SESN3: variants seen among roughly 807,000 people sequenced by gnomAD.
SESN3 encodes the protein sestrin 3.
SESN3 carries 21 observed loss-of-function variants against 55.3 expected under a neutral mutation model. That is an observed-to-expected ratio of 0.38 (90% CI 0.27 to 0.55). SESN3 has a LOEUF of 0.55. SESN3 is among the 20% of genes least tolerant of loss of function. SESN3 has a pLI of 0.76. For synonymous variants in SESN3, 181 were observed against 203.1 expected, an observed-to-expected ratio of 0.89 and a Z score of 0.93; for missense variants, 408 against 604.3, an observed-to-expected ratio of 0.68 and a Z score of 3.41.
intron 1 of SESN3, among the ~76,000 whole-genome samples, chr11:95,213,808 C>A (rs914464148): frequency 5.9e-5 from 9 of 151,938 alleles, no homozygotes; most frequent in African/African-American, 2.2e-4. Flanking sequence ...CAGGCATGGA[C>A]CCAATCCTAT....
At chr11:95,214,905 C>T (rs1210175013) in intron 1 of SESN3, among the ~76,000 whole-genome samples, 3 of 152,062 alleles carry the variant, frequency 2.0e-5, no homozygotes, top group African/African-American at 7.2e-5. Flanking sequence ...TTTCAAAACC[C>T]AATTCCTTTT....
At chr11:95,225,799 CCTAAA>C (rs780200885) in intron 1 of SESN3, among the ~76,000 whole-genome samples, 57 of 152,056 alleles carry the variant, frequency 3.7e-4, no homozygotes, top group Non-Finnish European at 3.7e-4. Flanking sequence ...CATCTCTTCT[CCTAAA>C]CTAATTAAAA....
rs1351935097 is a variant in SESN3 at position 95,194,508 on chromosome 11, T to C, written c.79-986A>G. ...AAAACAGATATGCTCTCTGCCCTCA[T>C]GAGCTGTACACACAATCTTCATCAA... On this transcript the variant is annotated intron_variant, in intron 1 of 9. Coordinates refer to ENST00000536441, the MANE Select transcript of SESN3 (RefSeq NM_144665.4). 2.0e-5 allele frequency among the ~76,000 whole-genome samples: 3 copies of C among 152,114 alleles called. No individual in the cohort carries two copies. The South Asian group carries it at 6.2e-4, about 31-fold the overall frequency.
chr11:95,210,292 G>A (rs945190236), intron 1 of SESN3, among the ~76,000 whole-genome samples: 7 of 152,114 alleles, frequency 4.6e-5, no homozygotes, highest in Non-Finnish European at 2.9e-5. Flanking sequence ...AAACCACCAT[G>A]GCACATGTAT....
chr11:95,226,139 A>G (rs1026691797), intron 1 of SESN3, among the ~76,000 whole-genome samples: 10 of 152,186 alleles, frequency 6.6e-5, no homozygotes, highest in African/African-American at 2.4e-4. Context: ...CAAATTACTC[A>G]GTATGTATTG....
At chr11:95,177,968 A>T in intron 7 of SESN3, 59 bp from the exon 8 acceptor site, 1 of 1,147,602 alleles carries the variant, frequency 8.7e-7, no homozygotes, top group African/African-American at 1.6e-5. Flanking sequence ...AATTCTATGT[A>T]TTATTAAATA....
intron 1 of SESN3, among the ~76,000 whole-genome samples, chr11:95,228,414 CA>C (rs1319832443): frequency 6.6e-6 from 1 of 152,142 alleles, no homozygotes; most frequent in Non-Finnish European, 1.5e-5. Flanking sequence ...AACAAACATT[CA>C]AAATACTATG....
chr11:95,193,763 C>G (rs1185682567), intron 1 of SESN3, among the ~76,000 whole-genome samples: 1 of 152,084 alleles, frequency 6.6e-6, no homozygotes, highest in Admixed American at 6.6e-5. Context: ...TGTCATATCC[C>G]TTAGTCACAG....
chr11:95,218,335 C>T (rs1860797716), intron 1 of SESN3, among the ~76,000 whole-genome samples: 1 of 152,126 alleles, frequency 6.6e-6, no homozygotes, highest in South Asian at 2.1e-4. Context: ...TCTAAGAGAC[C>T]CAGGCATAAG....
At chr11:95,229,931 A>T (rs1412221844) in intron 1 of SESN3, among the ~76,000 whole-genome samples, 2 of 152,262 alleles carry the variant, frequency 1.3e-5, no homozygotes, top group South Asian at 4.1e-4. Flanking sequence ...CTGATCAAAA[A>T]GTCTAGAGAC....
chr11:95,204,446 T>G (rs1177044418), intron 1 of SESN3, among the ~76,000 whole-genome samples: 2 of 152,146 alleles, frequency 1.3e-5, no homozygotes, highest in Non-Finnish European at 2.9e-5. Context: ...ATTTGATTAT[T>G]TTTTTAAACC....
chr11:95,195,879 A>C (rs1352960381), intron 1 of SESN3, among the ~76,000 whole-genome samples: 2 of 152,186 alleles, frequency 1.3e-5, no homozygotes, highest in African/African-American at 4.8e-5. Flanking sequence ...TTAACTCACT[A>C]ATTTCAAAAG....
chr11:95,201,307 T>C (rs1025469665), intron 1 of SESN3: 15 of 152,044 alleles, frequency 9.9e-5, no homozygotes, highest in Admixed American at 8.5e-4. Flanking sequence ...TAGTACTCAT[T>C]GTAGTAGAAG....
chr11:95,190,435 T>G (rs976079444), intron 3 of SESN3, among the ~76,000 whole-genome samples: 5 of 151,960 alleles, frequency 3.3e-5, no homozygotes, highest in Non-Finnish European at 5.9e-5. Flanking sequence ...GGAAGCTCAC[T>G]GACCCTTTTC....
At chr11:95,223,732 C>T (rs909916080) in intron 1 of SESN3, among the ~76,000 whole-genome samples, 2 of 151,974 alleles carry the variant, frequency 1.3e-5, no homozygotes, top group African/African-American at 4.8e-5. Context: ...AGAATTACAC[C>T]ATATACTGGC....
At chr11:95,182,421 A>G (rs1327582342) in intron 6 of SESN3, among the ~76,000 whole-genome samples, 2 of 152,104 alleles carry the variant, frequency 1.3e-5, no homozygotes, top group African/African-American at 2.4e-5. Context: ...TAACTTCTAA[A>G]ATTTTGCCTT....
chr11:95,227,434 G>A (rs1488069911), intron 1 of SESN3, among the ~76,000 whole-genome samples: 1 of 152,002 alleles, frequency 6.6e-6, no homozygotes, highest in African/African-American at 2.4e-5. Context: ...TCGATCTTTT[G>A]ACCTCGTGAT....
intron 1 of SESN3, among the ~76,000 whole-genome samples, chr11:95,210,232 A>G (rs772950592): frequency 6.6e-5 from 10 of 152,194 alleles, no homozygotes; most frequent in Non-Finnish European, 1.5e-4. Context: ...TAGGGGAGGG[A>G]TAGCATTAGG....
intron 1 of SESN3, among the ~76,000 whole-genome samples, chr11:95,208,519 C>G (rs922742444): frequency 6.6e-6 from 1 of 151,284 alleles, no homozygotes; most frequent in African/African-American, 2.4e-5. Context: ...GGTAGTAATT[C>G]CTCACTTAAA....
Sources: gnomAD v4.1 joint callset for allele counts (sites outside exome capture counted in the v4.1 genomes callset) on GRCh38, gnomAD v4.1.1 for gene constraint, MANE v1.5 for transcripts, NCBI Gene and HGNC (gene_info 2026-07-23, HGNC 2026-07-21) for gene names.